The following OPA1 variants were observed in gnomAD, a reference collection of about 807,000 sequenced individuals.
OPA1 encodes the protein OPA1 mitochondrial dynamin like GTPase.
Under a neutral mutation model 152.9 loss-of-function variants are expected in OPA1, and 59 were observed. The ratio of observed to expected loss-of-function variants is 0.39; its 90% CI spans 0.31 to 0.48. OPA1 has a LOEUF of 0.48. OPA1 is among the 20% of genes least tolerant of loss of function. The pLI, the probability that OPA1 is intolerant of heterozygous loss-of-function variation, is 0.96. For synonymous variants in OPA1, 400 were observed against 389.9 expected (o/e 1.03, Z -0.31); for missense variants, 1,008 against 1,216.8 (o/e 0.83, Z 2.55).
intron 6 of OPA1, among the ~76,000 whole-genome samples, chr3:193,621,204 C>T (rs1342516932): frequency 6.6e-6 from 1 of 152,190 alleles, no homozygotes; most frequent in African/African-American, 2.4e-5. Flanking sequence ...AAAAACATTT[C>T]TACAACTAGA....
Position 193,617,635 on chromosome 3 carries a change from T to C in OPA1, c.557-149T>C, listed in dbSNP as rs148059016. On this transcript the variant is annotated intron_variant, in intron 4 of 30. Transcript: ENST00000361510. Reference sequence around the variant, plus strand: ...AAACAAATTTAAGTATGATAGACCATAATGAGTAGCATTTATTAAGTTTAA... The same window carrying C: ...AAACAAATTTAAGTATGATAGACCACAATGAGTAGCATTTATTAAGTTTAA... 1.3e-3 allele frequency: 918 copies of C among 701,900 alleles called. 17 individuals carry two copies. The East Asian group carries it at 0.024, about 18-fold the overall frequency. 43.5% of individuals were successfully genotyped at this position (701,900 alleles called of 1,614,324 possible).
At chr3:193,602,172 G>A (rs1364832629) in intron 1 of OPA1, among the ~76,000 whole-genome samples, 2 of 152,140 alleles carry the variant, frequency 1.3e-5, no homozygotes, top group African/African-American at 4.8e-5. Flanking sequence ...AGATTTCCCT[G>A]GTCAGCTTTA....
chr3:193,660,606 C>T (rs991077241), intron 25 of OPA1, among the ~76,000 whole-genome samples: 1 of 152,038 alleles, frequency 6.6e-6, no homozygotes, highest in African/African-American at 2.4e-5. Flanking sequence ...TAGTTTCCCA[C>T]ATTTCTTGTT....
chr3:193,650,456 TTTA>T (rs1712121639), intron 21 of OPA1, among the ~76,000 whole-genome samples: 1 of 152,202 alleles, frequency 6.6e-6, no homozygotes, highest in African/African-American at 2.4e-5. Context: ...TTCCACATAT[TTTA>T]TTATTTTGAC....
rs542884914 is a variant in OPA1 at position 193,641,693 on chromosome 3, G to T, written c.1150-1072G>T. 2.6e-5 allele frequency among the ~76,000 whole-genome samples: 4 copies of T among 152,286 alleles called. No homozygotes were observed. The East Asian group carries it at 7.7e-4, about 29-fold the overall frequency. ...CAGCTGTTTATTGTTTTTAAATTTA[G>T]CCTGTTTAGCTAATCTCAGTAGAAG... On this transcript the variant is annotated intron_variant, in intron 11 of 30. Transcript: ENST00000361510.
In OPA1 at chr3:193,638,039, G is replaced by A; in HGVS notation, c.1123G>A (p.Glu375Lys). The A allele has an allele frequency of 6.2e-7, 1 of 1,614,026 alleles. No homozygotes were observed. The highest frequency in any genetic ancestry group is 8.5e-7 in the Non-Finnish European group (1 of 1,179,886). ...QARIFPRGSG[E>K]MMTRSPVKVT... ...TCGAATATTCCCAAGAGGATCTGGG[G>A]AGATGATGACACGTTCTCCAGTTAA... Residue 375 changes from glutamate to lysine, a missense_variant, in exon 11 of 31, where the codon GAG becomes AAG. By Grantham distance (56) the Glu-to-Lys change is moderately conservative. This residue lies in a region of OPA1 where 213 missense variants were observed against 291.4 expected (regional missense o/e 0.73). Coordinates refer to ENST00000361510, the MANE Select transcript of OPA1 (RefSeq NM_130837.3).
rs1253440359 is a variant in OPA1, at chr3:193,688,444, CTTTTCTTTTTTTTTTTTTTTTTTTTTT to C, written c.2984-3614_2984-3588del. On this transcript the variant is annotated intron_variant, in intron 29 of 30. Coordinates refer to ENST00000361510, the MANE Select transcript of OPA1 (RefSeq NM_130837.3). ...TTCCCTGATTTTTACTGAAATGGGT[CTTTTCTTTTTTTTTTTTTTTTTTTTTT>C]TTTTTTTTTTTTTTTTTTTTTTTTT... Among the ~76,000 whole-genome samples, 33 of 38,544 alleles carry C rather than the reference CTTTTCTTTTTTTTTTTTTTTTTTTTTT, an allele frequency of 8.6e-4. 5 individuals carry two copies. Among genetic ancestry groups the C allele is most frequent in the Non-Finnish European group, 1.6e-3 (27 of 16,848 alleles). The allele number at this position is 38,544 out of a possible 152,430, so 25.3% of individuals were successfully genotyped here. A position where few individuals can be genotyped will look rare whatever the true frequency, so the allele number is the denominator to read the frequency against.
At chr3:193,612,290 T>TTTA (rs1553870281) in intron 1 of OPA1, among the ~76,000 whole-genome samples, 1 of 148,350 alleles carries the variant, frequency 6.7e-6, no homozygotes, top group African/African-American at 2.5e-5. Context: ...TTTTTTTTTT[T>TTTA]AAATCATCTT....
intron 1 of OPA1, among the ~76,000 whole-genome samples, chr3:193,611,292 A>G (rs900010709): frequency 6.6e-5 from 10 of 152,128 alleles, no homozygotes; most frequent in African/African-American, 2.4e-4. Context: ...TTTTTGCTCT[A>G]GAGTCTTCTC....
intron 18 of OPA1, 126 bp from the exon 19 acceptor site, chr3:193,646,939 A>C: frequency 1.6e-6 from 1 of 624,672 alleles, no homozygotes; most frequent in Non-Finnish European, 2.8e-6. Flanking sequence ...ATAAATTTTT[A>C]TTGAACAGCA....
At chr3:193,612,740 T>G (rs939954539) in intron 1 of OPA1, among the ~76,000 whole-genome samples, 10 of 152,222 alleles carry the variant, frequency 6.6e-5, no homozygotes, top group African/African-American at 2.4e-4. Context: ...AGTCCCAGAC[T>G]CCTTGGATTG....
At chr3:193,608,091 CTT>C (rs1225964522) in intron 1 of OPA1, among the ~76,000 whole-genome samples, 1 of 151,996 alleles carries the variant, frequency 6.6e-6, no homozygotes, top group Admixed American at 6.6e-5. Flanking sequence ...AGAATGCTCT[CTT>C]TTGTTCTTTG....
intron 27 of OPA1, 85 bp from the exon 28 acceptor site, chr3:193,666,211 A>G: frequency 7.2e-6 from 8 of 1,109,220 alleles, no homozygotes; most frequent in Middle Eastern, 2.0e-4. Context: ...GGACATATCT[A>G]CTGGTTCTAG....
intron 29 of OPA1, 140 bp downstream of exon 29, chr3:193,667,420 C>T (rs1335992667): frequency 2.9e-6 from 2 of 694,472 alleles, no homozygotes; most frequent in Admixed American, 4.0e-5. Flanking sequence ...CTTGTAATCC[C>T]AGCACTTTGG....
chr3:193,609,775 C>T (rs1727900305), intron 1 of OPA1, among the ~76,000 whole-genome samples: 2 of 152,228 alleles, frequency 1.3e-5, no homozygotes, highest in South Asian at 2.1e-4. Context: ...CTTCCCGCTT[C>T]ATTTCATTGA....
rs1261281197 is a variant in OPA1, at chr3:193,697,010, T to C, written c.*2410T>C. 6.6e-6 allele frequency: 1 copy of C among 152,232 alleles called. No individual in the cohort carries two copies. The highest frequency in any genetic ancestry group is 1.5e-5 in the Non-Finnish European group (1 of 68,052). The allele number at this position is 152,232 out of a possible 1,614,324, so 9.4% of individuals were successfully genotyped here. On this transcript the variant is annotated 3_prime_UTR_variant, in exon 31 of 31. Coordinates refer to ENST00000361510, the MANE Select transcript of OPA1 (RefSeq NM_130837.3). ...ATTTTCTACAGTTTTTTCCGCAGAC[T>C]TCTTTCTGCAAATTATTCAGCCTCC...
rs574728491 is a variant in OPA1, at chr3:193,650,003, A to T, written c.2012+1132A>T. 8.5e-5 allele frequency among the ~76,000 whole-genome samples: 13 copies of T among 152,294 alleles called. No individual in the cohort carries two copies. In the South Asian group the frequency reaches 2.7e-3, roughly 32 times the overall value. ...TATGAGGGCATTTAATGTATATAAA[A>T]GTGATATGTAAACTGTAACAACTAA... On this transcript the variant is annotated intron_variant, in intron 21 of 30. Transcript: ENST00000361510.
At chr3:193,625,380 T>A (rs1005871187) in intron 6 of OPA1, among the ~76,000 whole-genome samples, 7 of 152,140 alleles carry the variant, frequency 4.6e-5, no homozygotes, top group African/African-American at 1.7e-4. Flanking sequence ...GTTTAGTAAT[T>A]TGTATATGCT....
intron 1 of OPA1, among the ~76,000 whole-genome samples, chr3:193,611,977 C>G (rs9879697): frequency 0.5 from 75,340 of 151,908 alleles, 19,077 homozygotes; most frequent in African/African-American, 0.57. Context: ...TCTTAGAGGG[C>G]CCTTTAAAAT....
Sources: gnomAD v4.1 joint callset for allele counts (sites outside exome capture counted in the v4.1 genomes callset) on GRCh38, gnomAD v4.1.1 for gene constraint, gnomAD v4.1.1 regional missense constraint, MANE v1.5 for transcripts, NCBI Gene and HGNC (gene_info 2026-07-23, HGNC 2026-07-21) for gene names.